The following CDH13 variants were observed in gnomAD, a reference collection of about 807,000 sequenced individuals.
CDH13 encodes cadherin 13.
In CDH13, 24 loss-of-function variants were observed where a neutral mutation model predicts 63.8. The observed-to-expected ratio is 0.38, with a 90% CI of 0.27 to 0.53. The LOEUF is 0.53. Among genes scored for constraint, CDH13 ranks in the 20% least tolerant of loss-of-function variants. The pLI is 0.85. For synonymous variants in CDH13, 503 were observed against 355.3 expected (o/e 1.42, Z -4.67); for missense variants, 1,049 against 903.1 (o/e 1.16, Z -2.07).
At chr16:82,839,190 C>T (rs2038901934) in intron 1 of CDH13, among the ~76,000 whole-genome samples, 1 of 152,316 alleles carries the variant, frequency 6.6e-6, no homozygotes, top group Non-Finnish European at 1.5e-5. Context: ...CTGCTCTGTC[C>T]TTCCATTGGG....
intron 7 of CDH13, among the ~76,000 whole-genome samples, chr16:83,520,752 G>A (rs905577921): frequency 1.3e-5 from 2 of 152,182 alleles, no homozygotes; most frequent in Non-Finnish European, 2.9e-5. Context: ...AGCCAGAACA[G>A]GACGTGGCTA....
rs74403806 is a variant in CDH13, at chr16:83,337,193, G to A, written c.637-7669G>A. Among the ~76,000 whole-genome samples, 7 of 152,280 alleles carry A rather than the reference G, an allele frequency of 4.6e-5. No individual in the cohort carries two copies. In the East Asian group the frequency reaches 1.4e-3, roughly 29 times the overall value. ...GAAGAATCATTGTTTTGCGTACTGT[G>A]ACTTGATGGTTCACATTTCTACTGG... On this transcript the variant is annotated intron_variant, in intron 5 of 13. Coordinates refer to ENST00000567109, the MANE Select transcript of CDH13 (RefSeq NM_001257.5).
intron 2 of CDH13, chr16:82,954,407 A>G (rs1196652790): frequency 6.6e-6 from 1 of 152,108 alleles, no homozygotes; most frequent in African/African-American, 2.4e-5. Context: ...ACGCACAAGG[A>G]TGTGAGCACA....
At chr16:83,696,075 G>C (rs1019969059) in intron 10 of CDH13, among the ~76,000 whole-genome samples, 3 of 151,942 alleles carry the variant, frequency 2.0e-5, no homozygotes, top group Non-Finnish European at 4.4e-5. Context: ...TTTGTTTGTA[G>C]AGATGGGGTT....
chr16:82,688,176 A>C (rs1475832365), intron 1 of CDH13, among the ~76,000 whole-genome samples: 1 of 152,230 alleles, frequency 6.6e-6, no homozygotes, highest in Non-Finnish European at 1.5e-5. Context: ...CAAGTGAACC[A>C]GCCAAGAGAT....
At chr16:83,174,507 T>C (rs1042933745) in intron 4 of CDH13, among the ~76,000 whole-genome samples, 1 of 152,010 alleles carries the variant, frequency 6.6e-6, no homozygotes, top group Non-Finnish European at 1.5e-5. Flanking sequence ...AGTTTACACT[T>C]CATGACCATA....
At chr16:83,443,607 A>G (rs9652662) in intron 6 of CDH13, among the ~76,000 whole-genome samples, 1 of 151,000 alleles carries the variant, frequency 6.6e-6, no homozygotes, top group African/African-American at 2.5e-5. Context: ...CTGGTGGTTC[A>G]CACCTGTAAT....
intron 10 of CDH13, among the ~76,000 whole-genome samples, chr16:83,692,817 C>T (rs968153993): frequency 6.6e-6 from 1 of 152,172 alleles, no homozygotes; most frequent in African/African-American, 2.4e-5. Context: ...GGCACGGTGG[C>T]TTACACCTGT....
rs1472833520 is a variant in CDH13, at chr16:82,794,936, G to T, written c.46-63426G>T. Among the ~76,000 whole-genome samples, 5 of 152,252 alleles carry T rather than the reference G, an allele frequency of 3.3e-5. No homozygotes were observed. In the East Asian group the frequency reaches 9.7e-4, roughly 29 times the overall value. Reference sequence around the variant, plus strand: ...TTCAGGACTTAAAGAAATGGCTGTGGGTTGGTCTACGAAAACCATTATGCT... The same window carrying T: ...TTCAGGACTTAAAGAAATGGCTGTGTGTTGGTCTACGAAAACCATTATGCT... On this transcript the variant is annotated intron_variant, in intron 1 of 13. Transcript: ENST00000567109.
chr16:82,915,371 C>G (rs2151272034), intron 2 of CDH13, among the ~76,000 whole-genome samples: 1 of 152,248 alleles, frequency 6.6e-6, no homozygotes, highest in East Asian at 1.9e-4. Flanking sequence ...GAACTTGACT[C>G]CAAGGGCCAA....
Position 83,238,048 on chromosome 16 carries a change from A to T in CDH13, c.636+20551A>T, listed in dbSNP as rs533921505. 2.0e-5 allele frequency among the ~76,000 whole-genome samples: 3 copies of T among 152,280 alleles called. No individual in the cohort carries two copies. The South Asian group carries it at 6.2e-4, about 32-fold the overall frequency. On this transcript the variant is annotated intron_variant, in intron 5 of 13. Coordinates refer to ENST00000567109, the MANE Select transcript of CDH13 (RefSeq NM_001257.5). ...TGCTACTGCACTGGGTTTCCCTTGG[A>T]ATCCTGGTTACCAAATTCATCTCAG... is the stretch of plus-strand genomic sequence containing the variant.
At chr16:83,603,808 A>G (rs1156741031) in intron 8 of CDH13, among the ~76,000 whole-genome samples, 3 of 152,186 alleles carry the variant, frequency 2.0e-5, no homozygotes, top group Admixed American at 6.5e-5. Flanking sequence ...AAGAGGTTTA[A>G]TTGGCTCATG....
intron 5 of CDH13, among the ~76,000 whole-genome samples, chr16:83,320,874 G>A (rs529937559): frequency 2.6e-5 from 4 of 152,158 alleles, no homozygotes; most frequent in Non-Finnish European, 5.9e-5. Context: ...TTTTAGGGAT[G>A]GAAGAATTTA....
chr16:82,973,807 C>T (rs774321523), intron 2 of CDH13, among the ~76,000 whole-genome samples: 7 of 152,202 alleles, frequency 4.6e-5, no homozygotes, highest in Admixed American at 6.5e-5. Context: ...TTTGCTTATA[C>T]AGTAGTCATA....
chr16:83,096,156 C>T (rs949211976), intron 3 of CDH13, among the ~76,000 whole-genome samples: 1 of 152,162 alleles, frequency 6.6e-6, no homozygotes, highest in African/African-American at 2.4e-5. Flanking sequence ...GGGCATTAGC[C>T]TGTACCAGCT....
chr16:83,761,084 G>A (rs1597191351), intron 11 of CDH13, among the ~76,000 whole-genome samples: 2 of 152,244 alleles, frequency 1.3e-5, no homozygotes, highest in East Asian at 3.9e-4. Context: ...ATTTTAAGAT[G>A]GTAGCAAACG....
At chr16:83,733,358 A>C (rs1049070551) in intron 10 of CDH13, among the ~76,000 whole-genome samples, 1 of 152,138 alleles carries the variant, frequency 6.6e-6, no homozygotes, top group Non-Finnish European at 1.5e-5. Flanking sequence ...TCTGTCTCCC[A>C]GGGACCCTGC....
chr16:83,059,599 C>G (rs1456417391), intron 3 of CDH13, among the ~76,000 whole-genome samples: 1 of 152,048 alleles, frequency 6.6e-6, no homozygotes, highest in Non-Finnish European at 1.5e-5. Context: ...GGTTTGGCCA[C>G]CAATCTGGGT....
At chr16:83,270,565 C>T (rs911787777) in intron 5 of CDH13, among the ~76,000 whole-genome samples, 1 of 152,128 alleles carries the variant, frequency 6.6e-6, no homozygotes, top group Non-Finnish European at 1.5e-5. Flanking sequence ...CACCTGAGTG[C>T]ACGCACAGCT....
Sources: allele counts gnomAD v4.1 joint callset (sites outside exome capture counted in the v4.1 genomes callset), GRCh38; gene constraint gnomAD v4.1.1; transcripts MANE v1.5; gene names NCBI Gene and HGNC (gene_info 2026-07-23, HGNC 2026-07-21).